Variants in RBFOX3 observed in about 807,000 individuals in gnomAD.
RBFOX3 encodes RNA binding fox-1 homolog 3.
In RBFOX3, 17 loss-of-function variants were observed where a neutral mutation model predicts 48.7. The ratio of observed to expected loss-of-function variants is 0.35; its 90% CI spans 0.24 to 0.52. RBFOX3 has a LOEUF of 0.52. Ranked by LOEUF, RBFOX3 falls within the 20% of genes least tolerant of loss-of-function variation. RBFOX3 has a pLI of 0.94. For synonymous variants in RBFOX3, 212 were observed against 209.5 expected (o/e 1.01, Z -0.10); for missense variants, 382 against 497.5 (o/e 0.77, Z 2.21).
intron 2 of RBFOX3, among the ~76,000 whole-genome samples, chr17:79,449,622 A>ACACACACACACACAC (rs2073068655): frequency 4.8e-5 from 7 of 144,600 alleles, no homozygotes; most frequent in South Asian, 2.3e-4. Context: ...TGCACACATA[A>ACACACACACACACAC]ACACACACAC....
At chr17:79,380,866 C>T (rs1309676737) in intron 2 of RBFOX3, among the ~76,000 whole-genome samples, 1 of 152,206 alleles carries the variant, frequency 6.6e-6, no homozygotes, top group African/African-American at 2.4e-5. Context: ...CTCCACGAGG[C>T]ACCTGTGTCG....
chr17:79,310,844 T>C (rs2076753127), intron 2 of RBFOX3, among the ~76,000 whole-genome samples: 2 of 152,284 alleles, frequency 1.3e-5, no homozygotes, highest in South Asian at 2.1e-4. Flanking sequence ...GGCCCATCCA[T>C]TGAACCCTGG....
rs2059530164 is a variant in RBFOX3, at chr17:79,220,028, G to T, written c.-34+15738C>A. On this transcript the variant is annotated intron_variant, in intron 4 of 14. Coordinates refer to ENST00000693108, the MANE Select transcript of RBFOX3 (RefSeq NM_001350451.2). The surrounding 1 kb of genome is among the most constrained non-coding windows in gnomAD (Gnocchi z 5.9). The stretch of plus-strand genomic sequence containing the variant: ...TCCTGTCTGGGGACACCTCCAACCG[G>T]CACCCCTGCCTGCTGGGCCCTGGGG... Among the ~76,000 whole-genome samples the T allele has an allele frequency of 1.5e-5, 2 of 137,136 alleles. No individual in the cohort carries two copies. Among genetic ancestry groups the T allele is most frequent in the Admixed American group, 7.2e-5 (1 of 13,872 alleles). The allele number at this position is 137,136 out of a possible 152,430, so 90.0% of individuals were successfully genotyped here.
intron 14 of RBFOX3, among the ~76,000 whole-genome samples, chr17:79,093,824 CACAG>C (rs914864952): frequency 1.3e-4 from 19 of 147,176 alleles, no homozygotes; most frequent in African/African-American, 3.6e-4. Flanking sequence ...CACACACACA[CACAG>C]AGACACGCCA....
the RBFOX3 span, among the ~76,000 whole-genome samples, chr17:79,627,038 A>C: frequency 6.6e-6 from 1 of 152,248 alleles, no homozygotes; most frequent in South Asian, 2.1e-4. Flanking sequence ...GCATGTTACT[A>C]ATAAAATAAG....
At position 79,185,773 on chromosome 17, in the gene RBFOX3, A is replaced by G. The variant is rs553341656; in HGVS notation, c.-34+49993T>C. Among the ~76,000 whole-genome samples, 260 of 152,316 alleles carry G rather than the reference A, an allele frequency of 1.7e-3. 1 individual carries two copies. The highest frequency in any genetic ancestry group is 2.7e-3 in the Non-Finnish European group (186 of 68,030). On this transcript the variant is annotated intron_variant, in intron 4 of 14. Transcript: ENST00000693108. ...GGGATTTGGGAGTGCTTCCTAAGCC[A>G]TGCCTGACACAGAGCCACTTTTTGA...
At chr17:79,489,443 C>A (rs377365275) in intron 1 of RBFOX3, among the ~76,000 whole-genome samples, 2 of 152,064 alleles carry the variant, frequency 1.3e-5, no homozygotes, top group Admixed American at 6.6e-5. Flanking sequence ...TACAGGTGTG[C>A]GCCACCATGC....
intron 4 of RBFOX3, among the ~76,000 whole-genome samples, chr17:79,117,666 T>C (rs2034463212): frequency 6.6e-6 from 1 of 152,170 alleles, no homozygotes; most frequent in Admixed American, 6.5e-5. Flanking sequence ...ACCTCTGTCC[T>C]GCCTCCCCCA....
intron 4 of RBFOX3, among the ~76,000 whole-genome samples, chr17:79,123,173 A>G (rs979445575): frequency 6.6e-6 from 1 of 152,210 alleles, no homozygotes; most frequent in South Asian, 2.1e-4. Context: ...ATAGTCAATA[A>G]TAACTTAATT....
chr17:79,278,306 C>G (rs143224225), intron 3 of RBFOX3, among the ~76,000 whole-genome samples: 2 of 152,224 alleles, frequency 1.3e-5, no homozygotes, highest in East Asian at 1.9e-4. Flanking sequence ...CCTCTGCCCC[C>G]CTCCTCAGAA....
chr17:79,317,346 G>A (rs899592524), intron 2 of RBFOX3, among the ~76,000 whole-genome samples: 8 of 152,250 alleles, frequency 5.3e-5, no homozygotes, highest in African/African-American at 1.9e-4. Context: ...TCTGCAGTCA[G>A]GCCAATGGCC....
At chr17:79,097,474 C>T (rs896453080) in intron 10 of RBFOX3, 50 bp from the exon 11 acceptor site, 4 of 1,486,954 alleles carry the variant, frequency 2.7e-6, no homozygotes, top group African/African-American at 1.4e-5. Context: ...AGGGGACCCA[C>T]CTGGCACCCC....
intron 4 of RBFOX3, among the ~76,000 whole-genome samples, chr17:79,185,808 A>G (rs1028219244): frequency 5.3e-5 from 8 of 152,128 alleles, no homozygotes; most frequent in African/African-American, 1.9e-4. Flanking sequence ...AGTCAACGCT[A>G]CTGTTTTTCC....
In RBFOX3 at chr17:79,147,061, C is replaced by A. The variant is rs114884096; in HGVS notation, c.-33-31313G>T. On this transcript the variant is annotated intron_variant, in intron 4 of 14. Coordinates refer to ENST00000693108, the MANE Select transcript of RBFOX3 (RefSeq NM_001350451.2). Reference sequence around the variant, plus strand: ...GAAACTGCACCAGCCTCCGGGTGTCCCGGGGTCAGCCCCCGGTGCCAGGTT... The same window carrying A: ...GAAACTGCACCAGCCTCCGGGTGTCACGGGGTCAGCCCCCGGTGCCAGGTT... Among the ~76,000 whole-genome samples, 1,117 of 152,340 alleles carry A rather than the reference C, an allele frequency of 7.3e-3. 19 individuals are homozygous for A. Among genetic ancestry groups the A allele is most frequent in the African/African-American group, 0.026 (1,074 of 41,570 alleles).
chr17:79,306,240 T>C (rs2076073508), intron 3 of RBFOX3, among the ~76,000 whole-genome samples: 1 of 152,208 alleles, frequency 6.6e-6, no homozygotes. Context: ...AGAGCACCCA[T>C]GCACGGCAAT....
intron 3 of RBFOX3, among the ~76,000 whole-genome samples, chr17:79,239,604 A>G (rs1033443117): frequency 2.1e-4 from 32 of 151,638 alleles, no homozygotes; most frequent in Middle Eastern, 6.8e-3. Context: ...ACAACTCCAC[A>G]CTCTTCCTGG....
At chr17:79,454,476 G>C (rs1513934) in intron 2 of RBFOX3, among the ~76,000 whole-genome samples, 3 of 151,280 alleles carry the variant, frequency 2.0e-5, no homozygotes, top group African/African-American at 2.4e-5. Context: ...GAACACTGCC[G>C]CTCCCCCACC....
intron 2 of RBFOX3, among the ~76,000 whole-genome samples, chr17:79,456,781 C>T (rs1288576396): frequency 1.3e-5 from 2 of 152,126 alleles, no homozygotes; most frequent in African/African-American, 4.8e-5. Flanking sequence ...GGCCGGCTCT[C>T]TCGGTCTTTC....
chr17:79,120,588 T>C (rs942805769), intron 4 of RBFOX3, among the ~76,000 whole-genome samples: 10 of 150,652 alleles, frequency 6.6e-5, no homozygotes, highest in Non-Finnish European at 3.0e-5. Context: ...GGTGGATAAA[T>C]GAGTGGATGG....
Sources: gnomAD v4.1 joint callset for allele counts (sites outside exome capture counted in the v4.1 genomes callset) on GRCh38, gnomAD v4.1.1 for gene constraint, Gnocchi (gnomAD v3.1) non-coding constraint, MANE v1.5 for transcripts, NCBI Gene and HGNC (gene_info 2026-07-23, HGNC 2026-07-21) for gene names.